Variants in ATG4C observed in about 807,000 individuals in gnomAD.
ATG4C encodes the protein cysteine protease ATG4C.
In ATG4C, 56 loss-of-function variants were observed where a neutral mutation model predicts 57.6. The ratio of observed to expected loss-of-function variants is 0.97; its 90% CI spans 0.78 to 1.21. The LOEUF (loss-of-function observed/expected upper bound fraction) is 1.21. Ranked by LOEUF, ATG4C falls within the 50% of genes most tolerant of loss-of-function variation. The probability of loss-of-function intolerance (pLI) is 0.00; values close to 1 mark genes in which losing one functional copy is unlikely to be tolerated. For missense variants in ATG4C, 595 were observed against 529.8 expected (o/e 1.12, Z -1.21); for synonymous variants, 157 against 174.1 (o/e 0.90, Z 0.78).
At chr1:62,823,728 C>T (rs935223611) in intron 6 of ATG4C, among the ~76,000 whole-genome samples, 2 of 152,168 alleles carry the variant, frequency 1.3e-5, no homozygotes, top group Non-Finnish European at 2.9e-5. Context: ...AAATATTTTC[C>T]GCCCTCAGGC....
rs1442650439 is a variant in ATG4C at position 62,865,508 on chromosome 1, A to G, written c.*1349A>G. ...TACTGAGTTGAAATAAATAGTCTGA[A>G]ATCTAAAAGTTTTCTTTAGTCTAAA... On this transcript the variant is annotated 3_prime_UTR_variant, in exon 11 of 11. Transcript: ENST00000317868. 1 of 151,930 alleles carries G rather than the reference A, an allele frequency of 6.6e-6. No homozygotes were observed. The highest frequency in any genetic ancestry group is 1.9e-4 in the East Asian group (1 of 5,196). The allele number at this position is 151,930 out of a possible 1,614,324, so 9.4% of individuals were successfully genotyped here.
intron 1 of ATG4C, among the ~76,000 whole-genome samples, chr1:62,789,462 G>A (rs1206797583): frequency 1.3e-5 from 2 of 152,138 alleles, no homozygotes; most frequent in East Asian, 3.9e-4. Context: ...CTCAATACAT[G>A]GAATCAGCCA....
At chr1:62,821,847 A>C (rs1237551600) in intron 6 of ATG4C, among the ~76,000 whole-genome samples, 1 of 152,158 alleles carries the variant, frequency 6.6e-6, no homozygotes, top group African/African-American at 2.4e-5. Flanking sequence ...CCTTATACAC[A>C]TAGCCTGAAG....
At chr1:62,831,135 A>G (rs1265161856) in intron 7 of ATG4C, among the ~76,000 whole-genome samples, 2 of 152,134 alleles carry the variant, frequency 1.3e-5, no homozygotes, top group Non-Finnish European at 2.9e-5. Flanking sequence ...CTACAGTGGG[A>G]GAGCAGTGAC....
At chr1:62,795,962 A>T (rs1382401709) in intron 1 of ATG4C, among the ~76,000 whole-genome samples, 3 of 152,156 alleles carry the variant, frequency 2.0e-5, no homozygotes, top group African/African-American at 7.2e-5. Flanking sequence ...CAGACTGAGA[A>T]TCTAATGACA....
intron 1 of ATG4C, among the ~76,000 whole-genome samples, chr1:62,798,302 T>G (rs1433852270): frequency 6.6e-6 from 1 of 152,254 alleles, no homozygotes; most frequent in East Asian, 1.9e-4. Context: ...TTTAGCATTA[T>G]TTATTAAATT....
chr1:62,827,927 G>A (rs1336137421), intron 6 of ATG4C, among the ~76,000 whole-genome samples: 1 of 152,144 alleles, frequency 6.6e-6, no homozygotes, highest in Non-Finnish European at 1.5e-5. Context: ...TTCTGTTCCT[G>A]TGTTAGTTTG....
chr1:62,810,952 A>G (rs1310382490), intron 3 of ATG4C, among the ~76,000 whole-genome samples: 1 of 152,140 alleles, frequency 6.6e-6, no homozygotes, highest in African/African-American at 2.4e-5. Context: ...ATCATAGAGA[A>G]ATTTTTTAAT....
At chr1:62,857,889 A>G (rs866762456) in intron 10 of ATG4C, among the ~76,000 whole-genome samples, 6 of 152,204 alleles carry the variant, frequency 3.9e-5, no homozygotes, top group South Asian at 2.1e-4. Flanking sequence ...TTCTTTAGAA[A>G]TAGTTTGGTG....
At chr1:62,812,683 C>T (rs572595046) in intron 3 of ATG4C, among the ~76,000 whole-genome samples, 39 of 152,306 alleles carry the variant, frequency 2.6e-4, no homozygotes, top group Admixed American at 5.9e-4. Context: ...GTCAAATTAT[C>T]TCTTTTTGCA....
intron 7 of ATG4C, among the ~76,000 whole-genome samples, chr1:62,832,639 C>T (rs1665878795): frequency 6.6e-6 from 1 of 152,120 alleles, no homozygotes; most frequent in Non-Finnish European, 1.5e-5. Context: ...ATGACCTAAA[C>T]ACCTCCCCAA....
At chr1:62,861,377 T>G (rs1373690468) in intron 10 of ATG4C, among the ~76,000 whole-genome samples, 3 of 151,914 alleles carry the variant, frequency 2.0e-5, no homozygotes, top group Admixed American at 2.0e-4. Flanking sequence ...GAGACCCCAT[T>G]TGCATAAAAA....
At chr1:62,857,844 G>A (rs1055269408) in intron 10 of ATG4C, among the ~76,000 whole-genome samples, 1 of 152,178 alleles carries the variant, frequency 6.6e-6, no homozygotes, top group African/African-American at 2.4e-5. Context: ...TGCAGTGACA[G>A]TACCCACCAA....
intron 3 of ATG4C, among the ~76,000 whole-genome samples, chr1:62,810,311 A>G (rs1039945610): frequency 6.6e-6 from 1 of 152,220 alleles, no homozygotes; most frequent in Non-Finnish European, 1.5e-5. Flanking sequence ...GACATTAAAT[A>G]ATTAGAAAAA....
chr1:62,800,573 T>C (rs943549875), intron 1 of ATG4C, among the ~76,000 whole-genome samples: 2 of 152,242 alleles, frequency 1.3e-5, no homozygotes, highest in Admixed American at 1.3e-4. Context: ...ACACATTTTA[T>C]AAACTCTTTT....
intron 6 of ATG4C, among the ~76,000 whole-genome samples, chr1:62,821,865 C>G (rs1665493631): frequency 6.6e-6 from 1 of 151,974 alleles, no homozygotes; most frequent in African/African-American, 2.4e-5. Flanking sequence ...AAGGAAATAT[C>G]ATACACTATT....
At chr1:62,839,928 G>A (rs954668668) in intron 9 of ATG4C, among the ~76,000 whole-genome samples, 1 of 152,144 alleles carries the variant, frequency 6.6e-6, no homozygotes, top group Non-Finnish European at 1.5e-5. Flanking sequence ...CAGCTTGAAT[G>A]TATATATTTT....
At chr1:62,796,188 G>A (rs144802263) in intron 1 of ATG4C, among the ~76,000 whole-genome samples, 81 of 142,548 alleles carry the variant, frequency 5.7e-4, no homozygotes, top group African/African-American at 1.8e-3. Flanking sequence ...GCAGGCAAGC[G>A]GTTTCCTCAT....
intron 6 of ATG4C, among the ~76,000 whole-genome samples, chr1:62,826,393 G>A (rs1665656541): frequency 1.3e-5 from 2 of 151,514 alleles, no homozygotes; most frequent in Admixed American, 6.6e-5. Context: ...CCGCCACCAT[G>A]CCTGGCTAAT....
Sources: allele counts gnomAD v4.1 joint callset (sites outside exome capture counted in the v4.1 genomes callset), GRCh38; gene constraint gnomAD v4.1.1; transcripts MANE v1.5; gene names NCBI Gene and HGNC (gene_info 2026-07-23, HGNC 2026-07-21).